Variants in ADARB2 observed in about 807,000 individuals in gnomAD.
ADARB2 encodes inactive double-stranded RNA-specific editase B2.
ADARB2 carries 25 observed loss-of-function variants against 62.2 expected under a neutral mutation model. The ratio of observed to expected loss-of-function variants is 0.40; its 90% CI spans 0.29 to 0.56. ADARB2 has a LOEUF of 0.56. Ranked by LOEUF, ADARB2 falls within the 20% of genes least tolerant of loss-of-function variation. The pLI, the probability that ADARB2 is intolerant of heterozygous loss-of-function variation, is 0.43. For synonymous variants in ADARB2, 572 were observed against 500.8 expected, an observed-to-expected ratio of 1.14 and a Z score of -1.90; for missense variants, 1,071 against 1,077.4, an observed-to-expected ratio of 0.99 and a Z score of 0.08.
Position 1,661,631 on chromosome 10 carries a change from C to T in ADARB2, c.100+75420G>A, listed in dbSNP as rs977949355. Among the ~76,000 whole-genome samples the T allele has an allele frequency of 3.9e-5, 6 of 152,188 alleles. 1 individual carries two copies. The highest frequency in any genetic ancestry group is 1.3e-4 in the Admixed American group (2 of 15,282). On this transcript the variant is annotated intron_variant, in intron 1 of 9. Coordinates refer to ENST00000381312, the MANE Select transcript of ADARB2 (RefSeq NM_018702.4). ...AGAGCCAGGGTGGGGAGTACAGAAC[C>T]AGCCCAGAGCAGAGACAGAGGGAGG... is the stretch of plus-strand genomic sequence containing the variant.
intron 1 of ADARB2, among the ~76,000 whole-genome samples, chr10:1,395,499 C>T (rs1292340449): frequency 2.0e-5 from 3 of 152,218 alleles, no homozygotes; most frequent in East Asian, 3.9e-4. Context: ...CTCATACTTG[C>T]TGTTACTGCC....
intron 8 of ADARB2, among the ~76,000 whole-genome samples, chr10:1,186,851 T>C (rs1218352929): frequency 6.6e-6 from 1 of 152,196 alleles, no homozygotes; most frequent in African/African-American, 2.4e-5. Context: ...GTTCCCGCCA[T>C]AGCAGACTCC....
chr10:1,478,143 G>T (rs1299284466), intron 1 of ADARB2, among the ~76,000 whole-genome samples: 2 of 152,370 alleles, frequency 1.3e-5, no homozygotes, highest in East Asian at 3.9e-4. Context: ...TGGGAGCTCT[G>T]CTGGGCCTTT....
intron 1 of ADARB2, among the ~76,000 whole-genome samples, chr10:1,436,273 C>A (rs572550921): frequency 6.6e-6 from 1 of 152,330 alleles, no homozygotes; most frequent in South Asian, 2.1e-4. Context: ...AGAATCATCA[C>A]AAGGGAAACC....
At chr10:1,267,211 G>A (rs1232846717) in intron 4 of ADARB2, among the ~76,000 whole-genome samples, 6 of 151,906 alleles carry the variant, frequency 3.9e-5, no homozygotes, top group Non-Finnish European at 8.8e-5. Flanking sequence ...TGTGAGGCAG[G>A]TCAGAAATAT....
rs574990086 is a variant in ADARB2 at position 1,552,646 on chromosome 10, C to T, written c.101-173486G>A. Among the ~76,000 whole-genome samples the T allele has an allele frequency of 1.2e-4, 17 of 147,300 alleles. 1 individual carries two copies. Among genetic ancestry groups the T allele is most frequent in the African/African-American group, 2.3e-4 (9 of 39,326 alleles). On this transcript the variant is annotated intron_variant, in intron 1 of 9. Transcript: ENST00000381312. ...TGGCCTGGTCCTGCCCGGCACTCAGCGAGGGGCTGCCAAGGTCGGCTTCAG... is the reference window on the plus strand; with the variant it reads ...TGGCCTGGTCCTGCCCGGCACTCAGTGAGGGGCTGCCAAGGTCGGCTTCAG...
chr10:1,257,174 G>A (rs1831087401), intron 4 of ADARB2, among the ~76,000 whole-genome samples: 1 of 152,196 alleles, frequency 6.6e-6, no homozygotes, highest in Non-Finnish European at 1.5e-5. Flanking sequence ...TCTTGACTGA[G>A]GTGTGAGTTC....
Position 1,562,886 on chromosome 10 carries a change from T to G in ADARB2, c.100+174165A>C, listed in dbSNP as rs547143882. 4.6e-5 allele frequency among the ~76,000 whole-genome samples: 7 copies of G among 152,366 alleles called. 1 individual carries two copies. The highest frequency in any genetic ancestry group is 1.7e-4 in the African/African-American group (7 of 41,588). ...CCTCATGGCAGAGACTCAAGAAATA[T>G]GATTGAAGTTGTTATTACTATTCTT... On this transcript the variant is annotated intron_variant, in intron 1 of 9. Transcript: ENST00000381312.
chr10:1,591,610 T>A (rs1833254567), intron 1 of ADARB2, among the ~76,000 whole-genome samples: 1 of 151,774 alleles, frequency 6.6e-6, no homozygotes, highest in South Asian at 2.1e-4. Flanking sequence ...ATTAAATGGA[T>A]CTCTAGTTTC....
At chr10:1,504,390 T>C (rs1043649888) in intron 1 of ADARB2, among the ~76,000 whole-genome samples, 1 of 152,164 alleles carries the variant, frequency 6.6e-6, no homozygotes, top group African/African-American at 2.4e-5. Context: ...CCCTCTTTAA[T>C]GGGAAATAAT....
At chr10:1,190,661 G>C (rs889201902) in intron 8 of ADARB2, among the ~76,000 whole-genome samples, 1 of 152,206 alleles carries the variant, frequency 6.6e-6, no homozygotes, top group Non-Finnish European at 1.5e-5. Context: ...GGCTTGTAGC[G>C]GCTTCACTCC....
At chr10:1,524,546 G>A (rs1036528264) in intron 1 of ADARB2, among the ~76,000 whole-genome samples, 3 of 152,134 alleles carry the variant, frequency 2.0e-5, no homozygotes, top group African/African-American at 7.2e-5. Flanking sequence ...AACCTCCACA[G>A]CAACAGCCCT....
chr10:1,435,032 G>A (rs560622611), intron 1 of ADARB2, among the ~76,000 whole-genome samples: 2 of 152,354 alleles, frequency 1.3e-5, no homozygotes, highest in Non-Finnish European at 2.9e-5. Flanking sequence ...CTTCGTTGGG[G>A]GAAGATTCAG....
At chr10:1,243,333 G>A (rs566601391) in intron 4 of ADARB2, among the ~76,000 whole-genome samples, 4 of 152,346 alleles carry the variant, frequency 2.6e-5, no homozygotes, top group African/African-American at 7.2e-5. Flanking sequence ...ATACACGTCC[G>A]GACCATTTCT....
chr10:1,678,490 G>T (rs1303540461), intron 1 of ADARB2, among the ~76,000 whole-genome samples: 1 of 152,024 alleles, frequency 6.6e-6, no homozygotes, highest in Non-Finnish European at 1.5e-5. Flanking sequence ...GGGCATGCAG[G>T]GGGGCTGCCT....
intron 4 of ADARB2, among the ~76,000 whole-genome samples, chr10:1,247,673 G>T (rs989179267): frequency 4.6e-5 from 7 of 152,270 alleles, no homozygotes; most frequent in African/African-American, 1.7e-4. Context: ...GCAAAAACGT[G>T]TCAAAAACAG....
chr10:1,185,151 C>T, intron 8 of ADARB2, 112 bp from the exon 9 acceptor site: 2 of 1,341,708 alleles, frequency 1.5e-6, no homozygotes, highest in South Asian at 2.9e-5. Flanking sequence ...ATGGTCCTCC[C>T]TTTTCATCCT....
chr10:1,427,002 C>T (rs771897888), intron 1 of ADARB2, among the ~76,000 whole-genome samples: 15 of 152,248 alleles, frequency 9.9e-5, no homozygotes, highest in Non-Finnish European at 1.5e-4. Context: ...ACTGCAGGCA[C>T]GTGTGTACTC....
intron 1 of ADARB2, among the ~76,000 whole-genome samples, chr10:1,532,250 C>T (rs1832254930): frequency 6.6e-6 from 1 of 152,160 alleles, no homozygotes; most frequent in African/African-American, 2.4e-5. Flanking sequence ...ATGCTTTCCC[C>T]CTTGAAGACA....
Sources: gnomAD v4.1 joint callset for allele counts (sites outside exome capture counted in the v4.1 genomes callset) on GRCh38, gnomAD v4.1.1 for gene constraint, MANE v1.5 for transcripts, NCBI Gene and HGNC (gene_info 2026-07-23, HGNC 2026-07-21) for gene names.